Variants in GRM1 observed in about 807,000 individuals in gnomAD.
The protein encoded by GRM1 is glutamate metabotropic receptor 1, also known as metabotropic glutamate receptor 1.
A neutral mutation model predicts 90.9 loss-of-function variants in GRM1; 33 were observed. That is an observed-to-expected ratio of 0.36 (90% CI 0.28 to 0.49). The LOEUF (loss-of-function observed/expected upper bound fraction) is 0.49, where lower values mean the gene tolerates loss of function less well. Ranked by LOEUF, GRM1 falls within the 20% of genes least tolerant of loss-of-function variation. The pLI is 0.99. For synonymous variants in GRM1, 700 were observed against 613.2 expected (o/e 1.14, Z -2.09); for missense variants, 1,190 against 1,534.3 (o/e 0.78, Z 3.75).
intron 1 of GRM1, among the ~76,000 whole-genome samples, chr6:146,122,420 A>G (rs989092213): frequency 2.0e-5 from 3 of 152,156 alleles, no homozygotes; most frequent in Admixed American, 1.3e-4. Context: ...TAAAAATTTT[A>G]TGAAGTGCTC....
intron 3 of GRM1, among the ~76,000 whole-genome samples, chr6:146,307,547 A>G (rs768601892): frequency 1.3e-4 from 20 of 152,312 alleles, no homozygotes; most frequent in Non-Finnish European, 2.8e-4. Context: ...AAGAACAATA[A>G]ACTTTCACTT....
intron 1 of GRM1, among the ~76,000 whole-genome samples, chr6:146,064,586 C>T (rs761586858): frequency 1.2e-4 from 18 of 151,660 alleles, no homozygotes; most frequent in Non-Finnish European, 2.5e-4. Context: ...AGTATCTGTT[C>T]TACTTCCTTG....
Position 146,399,085 on chromosome 6 carries a change from TGCAC to T in GRM1, c.2050_2053del (p.Arg684SerfsTer17). On this transcript the variant is annotated frameshift_variant, in exon 7 of 8. Transcript: ENST00000282753. LOFTEE classifies it high-confidence loss of function. This position sits in a 1 kb window ranked among gnomAD's most constrained non-coding sequence, Gnocchi z 5.4. ...CTTTAGTGACTAAAACCAATCGTATTGCACGCATCCTGGCTGGCAGCAAGAAGAA... is the reference window on the plus strand; with the variant it reads ...CTTTAGTGACTAAAACCAATCGTATTGCATCCTGGCTGGCAGCAAGAAGAA... The T allele has an allele frequency of 6.2e-7, 1 of 1,614,128 alleles. No homozygotes were observed. The highest frequency in any genetic ancestry group is 8.5e-7 in the Non-Finnish European group (1 of 1,180,002).
intron 2 of GRM1, among the ~76,000 whole-genome samples, chr6:146,177,306 A>G (rs547163050): frequency 1.3e-5 from 2 of 152,232 alleles, no homozygotes; most frequent in South Asian, 2.1e-4. Flanking sequence ...GCTAGAATAG[A>G]ATAGAATAGG....
chr6:146,310,218 A>G (rs1225653257), intron 3 of GRM1, among the ~76,000 whole-genome samples: 1 of 152,220 alleles, frequency 6.6e-6, no homozygotes, highest in Non-Finnish European at 1.5e-5. Context: ...GCTGCCATTC[A>G]CAATTTTAGA....
At chr6:146,355,777 C>T (rs1051245124) in intron 4 of GRM1, among the ~76,000 whole-genome samples, 1 of 152,200 alleles carries the variant, frequency 6.6e-6, no homozygotes, top group South Asian at 2.1e-4. Context: ...GGATTGTGAA[C>T]ATGAGTCAGT....
At chr6:146,269,514 T>A (rs1782035339) in intron 2 of GRM1, among the ~76,000 whole-genome samples, 1 of 152,158 alleles carries the variant, frequency 6.6e-6, no homozygotes. Context: ...ACCAAGATGT[T>A]TTATAGCAGG....
chr6:146,169,122 C>T (rs573366138), intron 2 of GRM1, among the ~76,000 whole-genome samples: 9 of 151,940 alleles, frequency 5.9e-5, no homozygotes, highest in Non-Finnish European at 8.8e-5. Flanking sequence ...ATTTATTTTC[C>T]ACTTTTTTCT....
At chr6:146,293,564 A>G in intron 2 of GRM1, among the ~76,000 whole-genome samples, 1 of 151,980 alleles carries the variant, frequency 6.6e-6, no homozygotes, top group East Asian at 1.9e-4. Flanking sequence ...ATATTTTCAG[A>G]AATCTTTCAG....
intron 1 of GRM1, 40 bp from the exon 2 acceptor site, chr6:146,159,308 C>T (rs1777626763): frequency 4.3e-6 from 7 of 1,612,750 alleles, no homozygotes; most frequent in African/African-American, 1.3e-5. Context: ...AGTGTTATTG[C>T]CACAGTTGTC....
chr6:146,105,269 T>G (rs1037805532), intron 1 of GRM1, among the ~76,000 whole-genome samples: 23 of 152,162 alleles, frequency 1.5e-4, no homozygotes, highest in African/African-American at 5.3e-4. Context: ...AATTATTTCT[T>G]TTGTATGTTG....
intron 2 of GRM1, among the ~76,000 whole-genome samples, chr6:146,193,829 C>T (rs1779015866): frequency 6.6e-6 from 1 of 152,076 alleles, no homozygotes. Context: ...AGTCACTGCC[C>T]TAGTGAACTT....
chr6:146,415,879 G>C (rs1483655156), intron 7 of GRM1, among the ~76,000 whole-genome samples: 1 of 152,070 alleles, frequency 6.6e-6, no homozygotes, highest in Non-Finnish European at 1.5e-5. Flanking sequence ...ATTTTTCTAT[G>C]TTACTGGGAA....
In GRM1 at chr6:146,029,441, G is replaced by C. The variant is rs1790629607; in HGVS notation, c.-77G>C. The C allele has an allele frequency of 1.7e-6, 2 of 1,166,908 alleles. No individual in the cohort carries two copies. Among genetic ancestry groups the C allele is most frequent in the Admixed American group, 1.7e-5 (1 of 59,436 alleles). The allele number at this position is 1,166,908 out of a possible 1,614,324, so 72.3% of individuals were successfully genotyped here. The stretch of plus-strand genomic sequence containing the variant: ...GGGAGAGGCGGCGCTGGGCGTCTTG[G>C]GGGTGCGCGCCGGGAGCCTGCAGCG... On this transcript the variant is annotated 5_prime_UTR_variant, in exon 1 of 8. Coordinates refer to ENST00000282753, the MANE Select transcript of GRM1 (RefSeq NM_001278064.2).
chr6:146,171,595 T>C (rs12209313), intron 2 of GRM1: 4,559 of 248,982 alleles, frequency 0.018, 69 homozygotes, highest in Non-Finnish European at 0.024. Context: ...AGGTTGAAAA[T>C]TGGCTGCAAC....
chr6:146,344,622 C>G (rs1180369900), intron 3 of GRM1, among the ~76,000 whole-genome samples: 1 of 151,994 alleles, frequency 6.6e-6, no homozygotes, highest in Non-Finnish European at 1.5e-5. Flanking sequence ...CTAAATTTGA[C>G]TTTTTGAAGA....
intron 2 of GRM1, among the ~76,000 whole-genome samples, chr6:146,294,392 G>T (rs1034960118): frequency 2.6e-5 from 4 of 151,634 alleles, no homozygotes; most frequent in Non-Finnish European, 5.9e-5. Context: ...AGATGTGTTG[G>T]TTTTTTTAAA....
At position 146,135,577 on chromosome 6, in the gene GRM1, C is replaced by T. The variant is rs2128881666; in HGVS notation, c.701-23771C>T. ...ACTGTAACCCAGGGCAGTGCAAGAACTTGCACACAGTCATAGTTACATTGA... is the reference window on the plus strand; with the variant it reads ...ACTGTAACCCAGGGCAGTGCAAGAATTTGCACACAGTCATAGTTACATTGA... On this transcript the variant is annotated intron_variant, in intron 1 of 7. Coordinates refer to ENST00000282753, the MANE Select transcript of GRM1 (RefSeq NM_001278064.2). Among the ~76,000 whole-genome samples, 2 of 152,316 alleles carry T rather than the reference C, an allele frequency of 1.3e-5. 1 individual carries two copies. Among genetic ancestry groups the T allele is most frequent in the Middle Eastern group, 6.8e-3 (2 of 294 alleles).
chr6:146,162,529 G>A (rs949940883), intron 2 of GRM1, among the ~76,000 whole-genome samples: 1 of 152,016 alleles, frequency 6.6e-6, no homozygotes, highest in Non-Finnish European at 1.5e-5. Context: ...CCTCAGAATC[G>A]GACCTCTTGG....
Sources: gnomAD v4.1 joint callset for allele counts (sites outside exome capture counted in the v4.1 genomes callset) on GRCh38, gnomAD v4.1.1 for gene constraint, Gnocchi (gnomAD v3.1) non-coding constraint, MANE v1.5 for transcripts, NCBI Gene and HGNC (gene_info 2026-07-23, HGNC 2026-07-21) for gene names.